Variants in BLTP2 observed in about 807,000 individuals in gnomAD.
BLTP2 encodes the protein bridge-like lipid transfer protein family member 2, also known as U937-associated antigen.
At chr17:28,628,691 T>C in the BLTP2 span, 4 of 745,264 alleles carry the variant, frequency 5.4e-6, no homozygotes, top group Non-Finnish European at 8.6e-6. Context: ...TCCCAGCACT[T>C]TGGGAGGCCG....
the BLTP2 span, chr17:28,644,044 T>C: frequency 2.5e-6 from 4 of 1,613,758 alleles, no homozygotes; most frequent in Non-Finnish European, 3.4e-6. Context: ...TATCCAGAGT[T>C]TCCCAGAACT....
At chr17:28,638,792 A>C in the BLTP2 span, 1 of 596,766 alleles carries the variant, frequency 1.7e-6, no homozygotes, top group Admixed American at 3.1e-5. Context: ...TAAAAGGCTG[A>C]ACTCATCAGT....
At chr17:28,640,807 G>T in the BLTP2 span, 2 of 861,590 alleles carry the variant, frequency 2.3e-6, no homozygotes, top group African/African-American at 3.4e-5. Context: ...GCCTAAGCTG[G>T]ATGGACCATA....
the BLTP2 span, among the ~76,000 whole-genome samples, chr17:28,632,572 G>T: frequency 1.2e-4 from 18 of 152,118 alleles, no homozygotes; most frequent in African/African-American, 4.3e-4. Flanking sequence ...GTGGTCCAAG[G>T]GAGCTCACTG....
At chr17:28,615,636 C>G in the BLTP2 span, 1 of 1,604,456 alleles carries the variant, frequency 6.2e-7, no homozygotes, top group East Asian at 2.2e-5. Flanking sequence ...CCCCATTAGC[C>G]AAACAGCCAT....
the BLTP2 span, chr17:28,633,472 GTC>G: frequency 6.3e-7 from 1 of 1,580,574 alleles, no homozygotes; most frequent in South Asian, 1.1e-5. Flanking sequence ...ATCAGCACCT[GTC>G]TCTCTTCCCA....
chr17:28,636,049 T>G, the BLTP2 span: 2 of 157,834 alleles, frequency 1.3e-5, 1 homozygote, highest in South Asian at 3.8e-4. Context: ...ATTGCATCAA[T>G]TTAATTCTCA....
the BLTP2 span, among the ~76,000 whole-genome samples, chr17:28,644,438 C>T: frequency 1.3e-5 from 2 of 152,186 alleles, no homozygotes; most frequent in Non-Finnish European, 2.9e-5. Flanking sequence ...AACAAAATCC[C>T]TCAAATTGTT....
chr17:28,616,795 C>T, the BLTP2 span: 4,564 of 1,613,098 alleles, frequency 2.8e-3, 43 homozygotes, highest in South Asian at 0.021. The surrounding 1 kb of genome is among the most constrained non-coding windows in gnomAD (Gnocchi z 4.8). Flanking sequence ...AGCTCAGATA[C>T]CATCATCAGT....
chr17:28,642,003 T>C, the BLTP2 span: 1 of 1,613,454 alleles, frequency 6.2e-7, no homozygotes, highest in Non-Finnish European at 8.5e-7. Context: ...GTGATAGCAG[T>C]GAGATGCCGA....
At chr17:28,642,953 AT>A in the BLTP2 span, 6 of 1,608,140 alleles carry the variant, frequency 3.7e-6, no homozygotes, top group Non-Finnish European at 5.1e-6. Flanking sequence ...CTTGAGAACC[AT>A]GATGTTTATA....
At chr17:28,621,693 C>T in the BLTP2 span, among the ~76,000 whole-genome samples, 1 of 152,170 alleles carries the variant, frequency 6.6e-6, no homozygotes, top group Admixed American at 6.5e-5. Flanking sequence ...TACCCAAATT[C>T]TCCAACCCAA....
chr17:28,643,245 C>T, the BLTP2 span: 1 of 1,614,196 alleles, frequency 6.2e-7, no homozygotes, highest in Non-Finnish European at 8.5e-7. Context: ...ATGGGGCAGA[C>T]AGGTCAGAAA....
the BLTP2 span, chr17:28,619,910 G>A: frequency 1.2e-6 from 2 of 1,614,064 alleles, no homozygotes; most frequent in Non-Finnish European, 1.7e-6. Flanking sequence ...TGGGCCACAT[G>A]CTGCCGCACA....
chr17:28,642,879 C>T, the BLTP2 span: 2 of 1,587,068 alleles, frequency 1.3e-6, no homozygotes, highest in South Asian at 1.1e-5. Context: ...CTTTTCCCAT[C>T]ACTATCCAAA....
chr17:28,640,580 C>T, the BLTP2 span: 3 of 1,614,098 alleles, frequency 1.9e-6, no homozygotes, highest in Non-Finnish European at 2.5e-6. Context: ...TATTCATGGA[C>T]AATACCACGC....
the BLTP2 span, chr17:28,634,951 C>A: frequency 1.2e-6 from 2 of 1,613,810 alleles, no homozygotes; most frequent in South Asian, 2.2e-5. Flanking sequence ...CAAGAAAACC[C>A]ATGAGAAGTG....
chr17:28,616,365 G>A, the BLTP2 span: 11 of 1,613,882 alleles, frequency 6.8e-6, no homozygotes, highest in Non-Finnish European at 9.3e-6. The surrounding 1 kb of genome is among the most constrained non-coding windows in gnomAD (Gnocchi z 4.8). Context: ...TATCATCAGG[G>A]GCATGTTTGG....
the BLTP2 span, chr17:28,616,812 A>C: frequency 1.2e-6 from 2 of 1,610,778 alleles, no homozygotes; most frequent in Non-Finnish European, 1.7e-6. The surrounding 1 kb of genome is among the most constrained non-coding windows in gnomAD (Gnocchi z 4.8). Flanking sequence ...CAGTTTACCT[A>C]CTCCTAATAT....
Sources: gnomAD v4.1 joint callset for allele counts (sites outside exome capture counted in the v4.1 genomes callset) on GRCh38, gnomAD v4.1.1 for gene constraint, Gnocchi (gnomAD v3.1) non-coding constraint, MANE v1.5 for transcripts, NCBI Gene and HGNC (gene_info 2026-07-23, HGNC 2026-07-21) for gene names.